CNTN3: variants seen among roughly 807,000 people sequenced by gnomAD.
The protein encoded by CNTN3 is contactin 3.
A neutral mutation model predicts 119.1 loss-of-function variants in CNTN3; 60 were observed. That is an observed-to-expected ratio of 0.50 (90% CI 0.41 to 0.62). The LOEUF is 0.62. CNTN3 is among the 20% of genes least tolerant of loss of function. The pLI is 0.00. For synonymous variants in CNTN3, 450 were observed against 438.7 expected (o/e 1.03, Z -0.32); for missense variants, 1,101 against 1,242.4 (o/e 0.89, Z 1.71).
chr3:74,529,290 A>C (rs1703661323), intron 1 of CNTN3, among the ~76,000 whole-genome samples: 1 of 151,942 alleles, frequency 6.6e-6, no homozygotes, highest in Non-Finnish European at 1.5e-5. Flanking sequence ...CTTCCACGTT[A>C]AAATATTTCA....
intron 4 of CNTN3, among the ~76,000 whole-genome samples, chr3:74,440,997 C>A (rs1286542579): frequency 2.0e-5 from 3 of 152,078 alleles, no homozygotes; most frequent in Non-Finnish European, 4.4e-5. Context: ...CCATGGACAC[C>A]TAAGGATGAC....
intron 5 of CNTN3, among the ~76,000 whole-genome samples, chr3:74,378,985 T>C (rs1440937578): frequency 6.6e-6 from 1 of 152,176 alleles, no homozygotes; most frequent in African/African-American, 2.4e-5. Context: ...TGAGCATATA[T>C]GAGCTATTTC....
intron 4 of CNTN3, among the ~76,000 whole-genome samples, chr3:74,484,567 A>T (rs2107036911): frequency 6.6e-6 from 1 of 152,318 alleles, no homozygotes; most frequent in South Asian, 2.1e-4. Flanking sequence ...CAAAAAAGGA[A>T]TTTTTCAAGT....
chr3:74,556,093 T>G (rs965590384), intron 1 of CNTN3, among the ~76,000 whole-genome samples: 2 of 152,210 alleles, frequency 1.3e-5, no homozygotes, highest in Non-Finnish European at 2.9e-5. Flanking sequence ...GCTTGTAGCT[T>G]GTCTTCTTAT....
chr3:74,399,819 C>A (rs1168986845), intron 5 of CNTN3, among the ~76,000 whole-genome samples: 1 of 152,052 alleles, frequency 6.6e-6, no homozygotes, highest in Non-Finnish European at 1.5e-5. Flanking sequence ...TCCACAACAA[C>A]CCCCTTCCTC....
intron 4 of CNTN3, among the ~76,000 whole-genome samples, chr3:74,444,619 G>A (rs1182833203): frequency 6.6e-6 from 1 of 151,830 alleles, no homozygotes; most frequent in East Asian, 1.9e-4. Flanking sequence ...CTTTGCCTTG[G>A]TGTCCCCTTT....
At chr3:74,308,352 T>C (rs74590716) in intron 13 of CNTN3, among the ~76,000 whole-genome samples, 1,906 of 152,320 alleles carry the variant, frequency 0.013, 33 homozygotes, top group African/African-American at 0.044. Flanking sequence ...ACAGGTGATA[T>C]TTAAGACAGG....
Position 74,284,888 on chromosome 3 carries a change from T to C in CNTN3, c.2704+417A>G, listed in dbSNP as rs1174020762. 2.0e-5 allele frequency among the ~76,000 whole-genome samples: 3 copies of C among 152,312 alleles called. No homozygotes were observed. The East Asian group carries it at 5.8e-4, about 29-fold the overall frequency. On this transcript the variant is annotated intron_variant, in intron 20 of 22. Coordinates refer to ENST00000263665, the MANE Select transcript of CNTN3 (RefSeq NM_020872.3). Reference sequence around the variant, plus strand: ...CCATTTAATGCACATTGCCATTTTTTGTATGATGGAGGAAAGAAAGATAAA... The same window carrying C: ...CCATTTAATGCACATTGCCATTTTTCGTATGATGGAGGAAAGAAAGATAAA...
At chr3:74,351,495 A>G (rs765404631) in intron 11 of CNTN3, among the ~76,000 whole-genome samples, 5 of 152,224 alleles carry the variant, frequency 3.3e-5, no homozygotes, top group African/African-American at 4.8e-5. Flanking sequence ...GGCAAGTGAC[A>G]CAGCCAAGAT....
chr3:74,268,133 C>T (rs1333880159), intron 20 of CNTN3, among the ~76,000 whole-genome samples: 1 of 152,218 alleles, frequency 6.6e-6, no homozygotes, highest in Admixed American at 6.6e-5. Flanking sequence ...TAATGAAACT[C>T]TCTGCGGTTT....
chr3:74,300,552 G>C (rs1188972296), intron 16 of CNTN3, among the ~76,000 whole-genome samples: 1 of 152,140 alleles, frequency 6.6e-6, no homozygotes, highest in East Asian at 1.9e-4. Flanking sequence ...CCTAAAATAT[G>C]TGTTGTGTGA....
chr3:74,302,329 G>GA (rs1198941699), intron 14 of CNTN3, among the ~76,000 whole-genome samples: 1 of 152,044 alleles, frequency 6.6e-6, no homozygotes, highest in Non-Finnish European at 1.5e-5. Context: ...TGTATTTTTA[G>GA]AAAAATGTCC....
chr3:74,597,649 T>C (rs1003995046), intron 1 of CNTN3, among the ~76,000 whole-genome samples: 2 of 152,062 alleles, frequency 1.3e-5, no homozygotes, highest in African/African-American at 4.8e-5. Context: ...ACTTTGCATA[T>C]GGAAATTTTA....
At chr3:74,353,351 C>T (rs192846835) in intron 11 of CNTN3, among the ~76,000 whole-genome samples, 125 of 152,336 alleles carry the variant, frequency 8.2e-4, no homozygotes, top group African/African-American at 2.3e-3. Flanking sequence ...TTACTCAGTG[C>T]TTCACAAATG....
In CNTN3 at chr3:74,468,325, A is replaced by T. The variant is rs576213804; in HGVS notation, c.358+18131T>A. ...TTCTTACGGCTGGTAACTGACAGAAAAGGGAAGGGAGCTAGCCAAGGCTAC... is the reference window on the plus strand; with the variant it reads ...TTCTTACGGCTGGTAACTGACAGAATAGGGAAGGGAGCTAGCCAAGGCTAC... On this transcript the variant is annotated intron_variant, in intron 4 of 22. Transcript: ENST00000263665. 3.9e-5 allele frequency among the ~76,000 whole-genome samples: 6 copies of T among 152,334 alleles called. No individual in the cohort carries two copies. In the South Asian group the frequency reaches 1.2e-3, roughly 32 times the overall value.
intron 11 of CNTN3, among the ~76,000 whole-genome samples, chr3:74,350,980 A>G (rs1013048214): frequency 4.6e-5 from 7 of 152,174 alleles, no homozygotes; most frequent in African/African-American, 1.7e-4. Flanking sequence ...ATAGGGTACC[A>G]TGTTCACTAT....
At chr3:74,605,269 A>C (rs1248396771) in intron 1 of CNTN3, among the ~76,000 whole-genome samples, 1 of 152,078 alleles carries the variant, frequency 6.6e-6, no homozygotes, top group Non-Finnish European at 1.5e-5. Flanking sequence ...CTTGAAAATC[A>C]CTAAGAGAAT....
intron 13 of CNTN3, among the ~76,000 whole-genome samples, chr3:74,319,388 C>A (rs1436313077): frequency 2.0e-5 from 3 of 152,144 alleles, no homozygotes; most frequent in African/African-American, 7.2e-5. Flanking sequence ...TGATCTTTGA[C>A]AAACCTGACA....
At chr3:74,489,991 C>T (rs1702932771) in intron 3 of CNTN3, among the ~76,000 whole-genome samples, 1 of 152,144 alleles carries the variant, frequency 6.6e-6, no homozygotes, top group Non-Finnish European at 1.5e-5. Flanking sequence ...CTCTTCTGTT[C>T]CATTCCCATC....
Sources: allele counts gnomAD v4.1 joint callset (sites outside exome capture counted in the v4.1 genomes callset), GRCh38; gene constraint gnomAD v4.1.1; transcripts MANE v1.5; gene names NCBI Gene and HGNC (gene_info 2026-07-23, HGNC 2026-07-21).